PHTF2: variants seen among roughly 807,000 people sequenced by gnomAD.
The protein encoded by PHTF2 is protein PHTF2.
In PHTF2, 60 loss-of-function variants were observed where a neutral mutation model predicts 101.2. That is an observed-to-expected ratio of 0.59 (90% CI 0.48 to 0.73). The LOEUF is 0.73. Ranked by LOEUF, PHTF2 falls within the 30% of genes least tolerant of loss-of-function variation. The probability of loss-of-function intolerance (pLI) is 0.00; values close to 1 mark genes in which losing one functional copy is unlikely to be tolerated. For missense variants in PHTF2, 747 were observed against 908.7 expected (o/e 0.82, Z 2.29); for synonymous variants, 311 against 307.3 (o/e 1.01, Z -0.13).
chr7:77,883,639 G>C (rs1400776117), intron 3 of PHTF2, among the ~76,000 whole-genome samples: 1 of 152,106 alleles, frequency 6.6e-6, no homozygotes, highest in African/African-American at 2.4e-5. Context: ...TCTATAAACT[G>C]TAAGCAGTTA....
In PHTF2 at chr7:77,927,177, A is replaced by AAAAATAT. The variant is rs1554388762; in HGVS notation, c.1120-1931_1120-1930insAAATATA. 1.2e-3 allele frequency among the ~76,000 whole-genome samples: 95 copies of AAAAATAT among 78,122 alleles called. 1 individual carries two copies. Among genetic ancestry groups the AAAAATAT allele is most frequent in the Non-Finnish European group, 1.9e-3 (78 of 41,038 alleles). The allele number at this position is 78,122 out of a possible 152,430, so 51.3% of individuals were successfully genotyped here. On this transcript the variant is annotated intron_variant, in intron 11 of 19. Coordinates refer to ENST00000416283, the Ensembl canonical transcript of PHTF2. ...CATCTCAAAAAAAAAAAAAAAAAAA[A>AAAAATAT]ATATATATATATATATATACATACA...
intron 3 of PHTF2, among the ~76,000 whole-genome samples, chr7:77,875,747 C>T (rs1385290263): frequency 3.3e-5 from 5 of 151,702 alleles, no homozygotes; most frequent in East Asian, 3.9e-4. Flanking sequence ...TTAGTAGAGA[C>T]GGGGTTTCAG....
intron 1 of PHTF2, among the ~76,000 whole-genome samples, chr7:77,805,287 A>T (rs964576447): frequency 1.3e-5 from 2 of 151,944 alleles, no homozygotes; most frequent in Non-Finnish European, 2.9e-5. Flanking sequence ...TCTGACTCTG[A>T]TGTCTTTTCT....
intron 1 of PHTF2, among the ~76,000 whole-genome samples, chr7:77,825,631 G>C (rs1794644934): frequency 6.6e-6 from 1 of 152,208 alleles, no homozygotes; most frequent in African/African-American, 2.4e-5. Context: ...TTGGATTATA[G>C]AAAAGTAGAT....
intron 16 of PHTF2, among the ~76,000 whole-genome samples, chr7:77,947,995 C>T (rs1806226963): frequency 6.6e-6 from 1 of 151,542 alleles, no homozygotes; most frequent in South Asian, 2.1e-4. Context: ...TGTGCCACCA[C>T]GCCCGGCTAA....
intron 2 of PHTF2, among the ~76,000 whole-genome samples, chr7:77,846,828 A>C (rs1017041920): frequency 8.6e-5 from 13 of 151,622 alleles, no homozygotes; most frequent in African/African-American, 2.9e-4. Context: ...TTTTTTGTAG[A>C]GGCTGGGTCT....
intron 11 of PHTF2, 174 bp downstream of exon 10, chr7:77,922,952 A>T: frequency 7.5e-7 from 1 of 1,335,308 alleles, no homozygotes; most frequent in Non-Finnish European, 9.6e-7. Context: ...TACGTATTGC[A>T]CATGTATTGA....
chr7:77,871,563 C>G (rs1798519984), intron 3 of PHTF2, among the ~76,000 whole-genome samples: 1 of 152,180 alleles, frequency 6.6e-6, no homozygotes, highest in Non-Finnish European at 1.5e-5. Flanking sequence ...GTAAGTGGTG[C>G]TACTTCCAAT....
At chr7:77,825,949 T>C (rs1183570635) in intron 1 of PHTF2, among the ~76,000 whole-genome samples, 1 of 152,126 alleles carries the variant, frequency 6.6e-6, no homozygotes, top group Non-Finnish European at 1.5e-5. Flanking sequence ...ACAGAAAAAG[T>C]ATTGAGAAAT....
At chr7:77,939,516 G>A (rs981000572) in intron 13 of PHTF2, among the ~76,000 whole-genome samples, 5 of 149,092 alleles carry the variant, frequency 3.4e-5, no homozygotes, top group African/African-American at 1.2e-4. Context: ...GGAATGCTGA[G>A]TTGGGAGGGA....
At chr7:77,876,831 C>T (rs1486661962) in intron 3 of PHTF2, among the ~76,000 whole-genome samples, 3 of 152,168 alleles carry the variant, frequency 2.0e-5, no homozygotes, top group African/African-American at 4.8e-5. Context: ...ACTGTGATTG[C>T]ACCACTGCAT....
intron 2 of PHTF2, among the ~76,000 whole-genome samples, chr7:77,843,521 C>T (rs1796046577): frequency 6.6e-6 from 1 of 152,236 alleles, no homozygotes. Flanking sequence ...GGGTTCCCCT[C>T]ACTGGCTTAG....
chr7:77,920,547 T>C, intron 10 of PHTF2, 82 bp downstream of exon 9: 1 of 935,676 alleles, frequency 1.1e-6, no homozygotes, highest in Non-Finnish European at 1.7e-6. Context: ...TAGTTGCCCT[T>C]GAACTAAGTA....
At chr7:77,932,823 TGCCAC>T in intron 12 of PHTF2, among the ~76,000 whole-genome samples, 1 of 152,142 alleles carries the variant, frequency 6.6e-6, no homozygotes, top group Non-Finnish European at 1.5e-5. Flanking sequence ...CATTTACTTA[TGCCAC>T]ACACTGTGCA....
At chr7:77,828,699 A>G (rs750751531) in intron 1 of PHTF2, among the ~76,000 whole-genome samples, 3 of 152,022 alleles carry the variant, frequency 2.0e-5, no homozygotes, top group African/African-American at 4.8e-5. Flanking sequence ...GTTTGGTACT[A>G]TCTGCTAAAA....
intron 1 of PHTF2, among the ~76,000 whole-genome samples, chr7:77,810,884 AT>A (rs1177598572): frequency 6.6e-6 from 1 of 151,498 alleles, no homozygotes; most frequent in Non-Finnish European, 1.5e-5. Context: ...TCATAATTAG[AT>A]TTGGGTTATG....
At chr7:77,936,111 A>T (rs1026781795) in intron 12 of PHTF2, among the ~76,000 whole-genome samples, 1 of 152,198 alleles carries the variant, frequency 6.6e-6, no homozygotes, top group Admixed American at 6.5e-5. Flanking sequence ...TCTAGAAAAG[A>T]TAAAAATTTC....
At chr7:77,825,683 A>G (rs1299807198) in intron 1 of PHTF2, among the ~76,000 whole-genome samples, 1 of 152,222 alleles carries the variant, frequency 6.6e-6, no homozygotes, top group Non-Finnish European at 1.5e-5. Context: ...TTGTGTGTGT[A>G]TGCATAAAGA....
intron 1 of PHTF2, among the ~76,000 whole-genome samples, chr7:77,827,026 T>A (rs1378254455): frequency 2.6e-5 from 4 of 152,214 alleles, no homozygotes; most frequent in Non-Finnish European, 5.9e-5. Flanking sequence ...GAATGGTGGC[T>A]GTGGAATAAA....
Sources: allele counts gnomAD v4.1 joint callset (sites outside exome capture counted in the v4.1 genomes callset), GRCh38; gene constraint gnomAD v4.1.1; transcripts MANE v1.5; gene names NCBI Gene and HGNC (gene_info 2026-07-23, HGNC 2026-07-21).